FUBP3: variants seen among roughly 807,000 people sequenced by gnomAD.
FUBP3 encodes the protein far upstream element-binding protein 3.
Under a neutral mutation model 85.6 loss-of-function variants are expected in FUBP3, and 28 were observed. That is an observed-to-expected ratio of 0.33 (90% confidence interval 0.24 to 0.45). The LOEUF (loss-of-function observed/expected upper bound fraction) is 0.45, where lower values mean the gene tolerates loss of function less well. Ranked by LOEUF, FUBP3 falls within the 20% of genes least tolerant of loss-of-function variation. The pLI is 1.00. For missense variants in FUBP3, 583 were observed against 755.1 expected (o/e 0.77, Z 2.67); for synonymous variants, 271 against 271.4 (o/e 1.00, Z 0.01).
At chr9:130,615,836 G>A (rs898889842) in intron 6 of FUBP3, among the ~76,000 whole-genome samples, 1 of 152,194 alleles carries the variant, frequency 6.6e-6, no homozygotes, top group Admixed American at 6.5e-5. Flanking sequence ...GAGCAGTGTT[G>A]TTGGTTATGA....
At chr9:130,589,675 G>GTGTGTGTATGTATATATATATA (rs869282275) in intron 1 of FUBP3, among the ~76,000 whole-genome samples, 8 of 34,290 alleles carry the variant, frequency 2.3e-4, no homozygotes, top group African/African-American at 9.3e-4. Context: ...GTATGTGTGT[G>GTGTGTGTATGTATATATATATA]TATATATATA....
intron 3 of FUBP3, 86 bp downstream of exon 3, chr9:130,610,073 A>C: frequency 9.1e-7 from 1 of 1,097,644 alleles, no homozygotes; most frequent in Non-Finnish European, 1.4e-6. Flanking sequence ...CTAGAAAGTC[A>C]GAGGTTGAGA....
At chr9:130,626,110 C>T (rs1240028735) in intron 11 of FUBP3, among the ~76,000 whole-genome samples, 3 of 152,188 alleles carry the variant, frequency 2.0e-5, no homozygotes, top group African/African-American at 7.2e-5. Context: ...TTGTGTCTGC[C>T]TATTTCTGTT....
chr9:130,633,754 G>T (rs1830306978), intron 16 of FUBP3, among the ~76,000 whole-genome samples: 1 of 152,234 alleles, frequency 6.6e-6, no homozygotes, highest in Non-Finnish European at 1.5e-5. Flanking sequence ...CCTGTGGGAG[G>T]AAGCGGGGCG....
chr9:130,595,690 C>G, intron 2 of FUBP3, 102 bp downstream of exon 2: 1 of 756,182 alleles, frequency 1.3e-6, no homozygotes, highest in Non-Finnish European at 2.5e-6. Flanking sequence ...AAGTGTCACT[C>G]TGTTGAGAAG....
chr9:130,579,859 C>G (rs1830055869), intron 1 of FUBP3, 95 bp downstream of exon 1: 1 of 735,548 alleles, frequency 1.4e-6, no homozygotes, highest in Non-Finnish European at 1.9e-6. Flanking sequence ...GGGAGGCAGC[C>G]TGAACCGACG....
chr9:130,593,565 A>G (rs1020710716), intron 1 of FUBP3, among the ~76,000 whole-genome samples: 1 of 152,250 alleles, frequency 6.6e-6, no homozygotes, highest in Non-Finnish European at 1.5e-5. Context: ...TCGTAAATGT[A>G]AGGGATGATG....
At chr9:130,610,925 T>C (rs1241710235) in intron 3 of FUBP3, among the ~76,000 whole-genome samples, 1 of 152,244 alleles carries the variant, frequency 6.6e-6, no homozygotes, top group African/African-American at 2.4e-5. Flanking sequence ...TAGTATCAAA[T>C]GCTGACTTTC....
In FUBP3 at chr9:130,631,932, C is replaced by G; in HGVS notation, c.1353-10C>G. 2 of 1,603,378 alleles carry G rather than the reference C, an allele frequency of 1.2e-6. No homozygotes were observed. The highest frequency in any genetic ancestry group is 2.7e-5 in the African/African-American group (2 of 74,888). On this transcript the variant is annotated splice_polypyrimidine_tract_variant and intron_variant, in intron 14 of 18. Coordinates refer to ENST00000319725, the MANE Select transcript of FUBP3 (RefSeq NM_003934.2). ...GCGCTCAGTCTGTTGTTTCTTTTAC[C>G]TTTTCCCAGTACCTTTCCTCCAAGG...
At chr9:130,613,069 A>G (rs1831831022) in intron 5 of FUBP3, 42 bp downstream of exon 5, 1 of 1,297,290 alleles carries the variant, frequency 7.7e-7, no homozygotes, top group African/African-American at 1.5e-5. Context: ...TGTAGAAATC[A>G]GTATTTTGCA....
chr9:130,582,416 A>G (rs952447308), intron 1 of FUBP3, among the ~76,000 whole-genome samples: 2 of 151,732 alleles, frequency 1.3e-5, no homozygotes, highest in African/African-American at 2.4e-5. Context: ...GCTCCGCTGC[A>G]TTCCAGCCTG....
At chr9:130,596,801 G>A (rs892919543) in intron 2 of FUBP3, 1 of 223,736 alleles carries the variant, frequency 4.5e-6, no homozygotes, top group African/African-American at 2.4e-5. Context: ...GTGCATAGGT[G>A]TATATATTTA....
At chr9:130,623,513 G>A (rs2119100941) in intron 10 of FUBP3, 98 bp from the exon 11 acceptor site, 1 of 789,242 alleles carries the variant, frequency 1.3e-6, no homozygotes, top group Non-Finnish European at 2.2e-6. Context: ...GCCCCTTTTG[G>A]CACCGCGGGT....
At chr9:130,600,559 A>T (rs1326635603) in intron 2 of FUBP3, among the ~76,000 whole-genome samples, 1 of 151,898 alleles carries the variant, frequency 6.6e-6, no homozygotes, top group Non-Finnish European at 1.5e-5. Flanking sequence ...GCAGTGGGGC[A>T]GTCATGGTTC....
intron 12 of FUBP3, among the ~76,000 whole-genome samples, chr9:130,629,234 G>C (rs957776665): frequency 1.3e-5 from 2 of 152,208 alleles, no homozygotes; most frequent in Non-Finnish European, 2.9e-5. Context: ...GTGCTGGCCC[G>C]GTGTCCCCAG....
At chr9:130,632,151 CA>C (rs1564227615) in intron 15 of FUBP3, 50 bp from the exon 16 acceptor site, 1 of 1,507,952 alleles carries the variant, frequency 6.6e-7, no homozygotes, top group Non-Finnish European at 9.2e-7. Flanking sequence ...AGGGAGACGA[CA>C]GGGGTGACTT....
chr9:130,600,840 G>C (rs1025256101), intron 2 of FUBP3, among the ~76,000 whole-genome samples: 1 of 152,078 alleles, frequency 6.6e-6, no homozygotes, highest in Non-Finnish European at 1.5e-5. Flanking sequence ...GCTGGGTGTG[G>C]TGGTGCATGC....
chr9:130,601,211 TA>T (rs1041009212), intron 2 of FUBP3, among the ~76,000 whole-genome samples: 1 of 152,096 alleles, frequency 6.6e-6, no homozygotes, highest in Non-Finnish European at 1.5e-5. Context: ...ATATAGAGAG[TA>T]CCCCTCCCCC....
chr9:130,623,551 T>C, intron 10 of FUBP3, 60 bp from the exon 11 acceptor site: 7 of 1,085,704 alleles, frequency 6.4e-6, no homozygotes, highest in Non-Finnish European at 1.0e-5. Flanking sequence ...ATCAGATTAA[T>C]CCTTGTTTCC....
Sources: gnomAD v4.1 joint callset for allele counts (sites outside exome capture counted in the v4.1 genomes callset) on GRCh38, gnomAD v4.1.1 for gene constraint, MANE v1.5 for transcripts, NCBI Gene and HGNC (gene_info 2026-07-23, HGNC 2026-07-21) for gene names.